The following IGSF11 variants were observed in gnomAD, a reference collection of about 807,000 sequenced individuals.
The protein encoded by IGSF11 is immunoglobulin superfamily member 11, also known as CXADR like 1.
Under a neutral mutation model 41.0 loss-of-function variants are expected in IGSF11, and 22 were observed. The observed-to-expected ratio is 0.54, with a 90% CI of 0.38 to 0.77. IGSF11 has a LOEUF of 0.77. IGSF11 is among the 30% of genes least tolerant of loss of function. The pLI, the probability that IGSF11 is intolerant of heterozygous loss-of-function variation, is 0.00. For synonymous variants in IGSF11, 219 were observed against 201.3 expected (o/e 1.09, Z -0.74); for missense variants, 444 against 530.8 (o/e 0.84, Z 1.61).
intron 1 of IGSF11, among the ~76,000 whole-genome samples, chr3:119,015,297 A>G (rs116194959): frequency 0.039 from 5,946 of 152,292 alleles, 193 homozygotes; most frequent in Non-Finnish European, 0.049. Flanking sequence ...CTTAGCATTT[A>G]TTTAGAAATG....
At chr3:119,025,480 G>A (rs534589275) in intron 1 of IGSF11, among the ~76,000 whole-genome samples, 5 of 152,202 alleles carry the variant, frequency 3.3e-5, no homozygotes, top group Non-Finnish European at 5.9e-5. Flanking sequence ...CAGGCACTAT[G>A]CTAGACACTT....
At chr3:119,059,933 G>C (rs947190049) in intron 1 of IGSF11, among the ~76,000 whole-genome samples, 2 of 152,180 alleles carry the variant, frequency 1.3e-5, no homozygotes, top group Non-Finnish European at 2.9e-5. Flanking sequence ...AGACATAAAA[G>C]AAGGAAGAGA....
rs534601951 is a variant in IGSF11, at chr3:119,055,593, A to G, written c.49+49551T>C. Among the ~76,000 whole-genome samples the G allele has an allele frequency of 2.6e-5, 4 of 152,340 alleles. No individual in the cohort carries two copies. In the South Asian group the frequency reaches 6.2e-4, roughly 24 times the overall value. On this transcript the variant is annotated intron_variant, in intron 1 of 6. Transcript: ENST00000354673. ...AGAAAGTTAACAAGGATACCCAGGA[A>G]TTGAACTCAGCTCTGCACCAAGCAG...
At chr3:119,075,354 A>G (rs2076475951) in intron 1 of IGSF11, among the ~76,000 whole-genome samples, 1 of 152,178 alleles carries the variant, frequency 6.6e-6, no homozygotes, top group Non-Finnish European at 1.5e-5. Context: ...CCAAGCAGAA[A>G]AAATGCTGGA....
At chr3:119,050,028 C>T (rs1177448901) in intron 1 of IGSF11, among the ~76,000 whole-genome samples, 23 of 147,266 alleles carry the variant, frequency 1.6e-4, no homozygotes, top group Admixed American at 2.7e-4. Context: ...AAACGTTAGA[C>T]CTAAAACCAT....
chr3:119,075,873 C>T (rs1378861101), intron 1 of IGSF11, among the ~76,000 whole-genome samples: 1 of 152,174 alleles, frequency 6.6e-6, no homozygotes, highest in Non-Finnish European at 1.5e-5. Context: ...CCCCATCAAG[C>T]TACCAATGAC....
intron 1 of IGSF11, among the ~76,000 whole-genome samples, chr3:119,084,941 G>T (rs1576780201): frequency 6.6e-6 from 1 of 152,322 alleles, no homozygotes; most frequent in East Asian, 1.9e-4. Context: ...TGAGAGGGCT[G>T]AGTCACACAG....
In IGSF11 at chr3:118,990,326, A is replaced by G. The variant is rs1441431174; in HGVS notation, c.52+44205T>C. 2.0e-5 allele frequency among the ~76,000 whole-genome samples: 3 copies of G among 152,238 alleles called. No homozygotes were observed. In the East Asian group the frequency reaches 5.8e-4, roughly 29 times the overall value. The stretch of plus-strand genomic sequence containing the variant: ...AGTGAAGAGAACCTGCATTATATCA[A>G]GGAAAACAGGCAAGAAAGAATGGCT... On this transcript the variant is annotated intron_variant, in intron 1 of 6. Coordinates refer to ENST00000393775, the MANE Select transcript of IGSF11 (RefSeq NM_001015887.3).
upstream of IGSF11, among the ~76,000 whole-genome samples, chr3:119,108,651 C>A (rs11713092): frequency 0.97 from 98,871 of 101,698 alleles, 48,201 homozygotes; most frequent in South Asian, 1. Context: ...GAGAGAGGGC[C>A]TCCCTGTCTT....
At chr3:118,978,562 G>A (rs958832769) in intron 1 of IGSF11, among the ~76,000 whole-genome samples, 1 of 152,180 alleles carries the variant, frequency 6.6e-6, no homozygotes, top group African/African-American at 2.4e-5. Flanking sequence ...TCAGCTCCCT[G>A]CTGCCACCAC....
At chr3:119,133,840 G>A (rs1014890225) in intron 1 of IGSF11, among the ~76,000 whole-genome samples, 3 of 152,090 alleles carry the variant, frequency 2.0e-5, no homozygotes, top group Admixed American at 6.6e-5. Flanking sequence ...CTGGCAAACC[G>A]AATCCAGCAG....
chr3:118,994,395 GC>G (rs1936073087), intron 1 of IGSF11, among the ~76,000 whole-genome samples: 1 of 152,204 alleles, frequency 6.6e-6, no homozygotes, highest in Admixed American at 6.5e-5. Flanking sequence ...AGTGGCTCAT[GC>G]CTGTAACCCT....
chr3:119,138,741 T>C (rs868051894), intron 1 of IGSF11, among the ~76,000 whole-genome samples: 1 of 152,144 alleles, frequency 6.6e-6, no homozygotes, highest in African/African-American at 2.4e-5. Flanking sequence ...CTGGAGATCA[T>C]AATGTTAAGT....
intron 4 of IGSF11, among the ~76,000 whole-genome samples, chr3:118,912,860 G>A (rs1940510116): frequency 1.3e-5 from 2 of 152,270 alleles, no homozygotes; most frequent in Admixed American, 1.3e-4. Flanking sequence ...ATAGCCAGGT[G>A]CTGTGGCTCA....
chr3:118,948,903 C>T (rs553912374), intron 1 of IGSF11, among the ~76,000 whole-genome samples: 12 of 148,258 alleles, frequency 8.1e-5, no homozygotes, highest in Admixed American at 4.1e-4. Flanking sequence ...ACCCAGGAGG[C>T]GGAGCTTGCA....
chr3:118,993,569 G>A (rs1050512510), intron 1 of IGSF11, among the ~76,000 whole-genome samples: 12 of 152,132 alleles, frequency 7.9e-5, no homozygotes, highest in South Asian at 4.1e-4. Context: ...TAGAATATGT[G>A]TTCACAGCAT....
rs1410578193 is a variant in IGSF11 at position 118,959,346 on chromosome 3, G to A, written c.53-29071C>T. Among the ~76,000 whole-genome samples, 4 of 152,142 alleles carry A rather than the reference G, an allele frequency of 2.6e-5. No individual in the cohort carries two copies. The East Asian group carries it at 7.7e-4, about 29-fold the overall frequency. The stretch of plus-strand genomic sequence containing the variant: ...GAGATAGACATGGCTTGGCTCAAAA[G>A]GGAAAGACTGTGGACAGTTTGAGTA... On this transcript the variant is annotated intron_variant, in intron 1 of 6. Transcript: ENST00000393775.
In IGSF11 at chr3:118,902,059, C is replaced by G. The variant is rs528378012; in HGVS notation, c.*461G>C. The G allele has an allele frequency of 1.2e-5, 2 of 160,972 alleles. No homozygotes were observed. The highest frequency in any genetic ancestry group is 2.7e-5 in the Non-Finnish European group (2 of 72,900). 10.0% of individuals were successfully genotyped at this position (160,972 alleles called of 1,614,324 possible). ...TTAACCATTTATACCATTAAGCCCT[C>G]TATATAACGAGGGAATTGGGAGAGA... On this transcript the variant is annotated 3_prime_UTR_variant, in exon 7 of 7. Transcript: ENST00000393775.
intron 1 of IGSF11, among the ~76,000 whole-genome samples, chr3:119,103,683 C>A (rs1559868883): frequency 6.6e-6 from 1 of 151,780 alleles, no homozygotes; most frequent in Non-Finnish European, 1.5e-5. Context: ...TCTCTTTGGT[C>A]CACCCTGTAC....
Sources: gnomAD v4.1 joint callset for allele counts (sites outside exome capture counted in the v4.1 genomes callset) on GRCh38, gnomAD v4.1.1 for gene constraint, MANE v1.5 for transcripts, NCBI Gene and HGNC (gene_info 2026-07-23, HGNC 2026-07-21) for gene names.